EXD3: variants seen among roughly 807,000 people sequenced by gnomAD.
EXD3 encodes exonuclease mut-7 homolog.
A neutral mutation model predicts 98.0 loss-of-function variants in EXD3; 92 were observed. The ratio of observed to expected loss-of-function variants is 0.94; its 90% CI spans 0.79 to 1.12. EXD3 has a LOEUF of 1.12. EXD3 is among the 50% of genes most tolerant of loss of function. The pLI, the probability that EXD3 is intolerant of heterozygous loss-of-function variation, is 0.00. For missense variants in EXD3, 1,222 were observed against 1,191.6 expected, an observed-to-expected ratio of 1.03 and a Z score of -0.38; for synonymous variants, 569 against 526.0, an observed-to-expected ratio of 1.08 and a Z score of -1.12.
At chr9:137,352,822 A>T in intron 10 of EXD3, 36 bp from the exon 11 acceptor site, 1 of 1,562,626 alleles carries the variant, frequency 6.4e-7, no homozygotes, top group African/African-American at 1.4e-5. Context: ...GGAGATGGGG[A>T]CATTGCTGTG....
chr9:137,342,759 G>A (rs1166951317), intron 17 of EXD3, among the ~76,000 whole-genome samples: 1 of 152,292 alleles, frequency 6.6e-6, no homozygotes, highest in African/African-American at 2.4e-5. Flanking sequence ...TGGCAGCCAC[G>A]AGATGTTCCA....
intron 4 of EXD3, among the ~76,000 whole-genome samples, 152 bp downstream of exon 4, chr9:137,373,274 G>C (rs1181011240): frequency 8.1e-6 from 1 of 124,206 alleles, no homozygotes; most frequent in African/African-American, 3.0e-5. Context: ...TGAAGCCACG[G>C]GCTGAGTCTT....
intron 19 of EXD3, among the ~76,000 whole-genome samples, chr9:137,315,773 A>C (rs1831615635): frequency 6.6e-6 from 1 of 151,802 alleles, no homozygotes; most frequent in African/African-American, 2.4e-5. Flanking sequence ...GGCAGGAGGA[A>C]TAAAAACAGG....
rs1284754508 is a variant in EXD3 at position 137,385,660 on chromosome 9, A to G, written c.56-2283T>C. Among the ~76,000 whole-genome samples, 1 of 152,012 alleles carries G rather than the reference A, an allele frequency of 6.6e-6. No homozygotes were observed. Among genetic ancestry groups the G allele is most frequent in the Non-Finnish European group, 1.5e-5 (1 of 68,016 alleles). ...GTGATTCTCGTGCCTCAGCCTCCGGAGTAGCTGGGAGTACAGGCGCTCACC... is the reference window on the plus strand; with the variant it reads ...GTGATTCTCGTGCCTCAGCCTCCGGGGTAGCTGGGAGTACAGGCGCTCACC... On this transcript the variant is annotated intron_variant, in intron 2 of 21. Coordinates refer to ENST00000340951, the MANE Select transcript of EXD3 (RefSeq NM_017820.5). This position sits in a 1 kb window ranked among gnomAD's most constrained non-coding sequence, Gnocchi z 4.4.
In EXD3 at chr9:137,349,187, G is replaced by GCCTCCGGCTCCCAGCCAGGT. The variant is rs776290346; in HGVS notation, c.1733_1752dup (p.Pro585ThrfsTer99). On this transcript the variant is annotated frameshift_variant, in exon 16 of 22. Coordinates refer to ENST00000340951, the MANE Select transcript of EXD3 (RefSeq NM_017820.5). LOFTEE classifies it high-confidence loss of function. This position sits in a 1 kb window ranked among gnomAD's most constrained non-coding sequence, Gnocchi z 7.4. Reference sequence around the variant, plus strand: ...GCCCCTGGTCTCTCTCTGTGCCTGGGCCTCCGGCTCCCAGCCAGGTCCTCC... The same window carrying GCCTCCGGCTCCCAGCCAGGT: ...GCCCCTGGTCTCTCTCTGTGCCTGGGCCTCCGGCTCCCAGCCAGGTCCTCCGGCTCCCAGCCAGGTCCTCC... 3.0e-4 allele frequency: 476 copies of GCCTCCGGCTCCCAGCCAGGT among 1,589,618 alleles called. 1 individual carries two copies. Among genetic ancestry groups the GCCTCCGGCTCCCAGCCAGGT allele is most frequent in the Non-Finnish European group, 3.9e-4 (461 of 1,174,152 alleles).
intron 17 of EXD3, among the ~76,000 whole-genome samples, chr9:137,337,026 A>G (rs1157915646): frequency 6.6e-6 from 1 of 152,202 alleles, no homozygotes; most frequent in East Asian, 1.9e-4. Flanking sequence ...CACCTACTAT[A>G]TAAAAGAAGG....
At position 137,365,693 on chromosome 9, in the gene EXD3, C is replaced by T. The variant is rs986079149; in HGVS notation, c.656+800G>A. 15 of 272,204 alleles carry T rather than the reference C, an allele frequency of 5.5e-5. No individual in the cohort carries two copies. The Admixed American group carries it at 6.8e-4, about 12-fold the overall frequency. The allele number at this position is 272,204 out of a possible 1,614,324, so 16.9% of individuals were successfully genotyped here. A position where few individuals can be genotyped will look rare whatever the true frequency, so the allele number is the denominator to read the frequency against. On this transcript the variant is annotated intron_variant, in intron 7 of 21. Transcript: ENST00000340951. The stretch of plus-strand genomic sequence containing the variant: ...ACACACATGCACAGGCACACATGCA[C>T]ACACGTACACACCCATGCACACACA...
Position 137,349,177 on chromosome 9 carries a change from CTG to C in EXD3, c.1761_1762del (p.His587GlnfsTer32), listed in dbSNP as rs770623125. On this transcript the variant is annotated frameshift_variant, in exon 16 of 22. Coordinates refer to ENST00000340951, the MANE Select transcript of EXD3 (RefSeq NM_017820.5). LOFTEE classifies it high-confidence loss of function. This position sits in a 1 kb window ranked among gnomAD's most constrained non-coding sequence, Gnocchi z 7.4. Reference sequence around the variant, plus strand: ...TGGCTTCCGTGCCCCTGGTCTCTCTCTGTGCCTGGGCCTCCGGCTCCCAGCCA... The same window carrying C: ...TGGCTTCCGTGCCCCTGGTCTCTCTCTGCCTGGGCCTCCGGCTCCCAGCCA... The C allele has an allele frequency of 3.1e-6, 5 of 1,593,466 alleles. No homozygotes were observed. The African/African-American group carries it at 5.4e-5, about 17-fold the overall frequency.
chr9:137,367,299 T>C (rs1835310108), intron 6 of EXD3, among the ~76,000 whole-genome samples: 1 of 152,088 alleles, frequency 6.6e-6, no homozygotes, highest in South Asian at 2.1e-4. Flanking sequence ...ACCTGGAGTC[T>C]GCACCCATCG....
At chr9:137,388,157 G>A (rs1471488312) in intron 2 of EXD3, among the ~76,000 whole-genome samples, 1 of 152,164 alleles carries the variant, frequency 6.6e-6, no homozygotes, top group Non-Finnish European at 1.5e-5. Context: ...CTGGGGGGCT[G>A]AATCATGGTC....
At chr9:137,323,624 C>G in intron 19 of EXD3, 101 bp downstream of exon 19, 1 of 1,495,548 alleles carries the variant, frequency 6.7e-7, no homozygotes, top group Non-Finnish European at 9.0e-7. Context: ...ACACCCCACC[C>G]CAGACCCACC....
At chr9:137,417,376 G>A (rs1273101358) in intron 1 of EXD3, among the ~76,000 whole-genome samples, 2 of 152,334 alleles carry the variant, frequency 1.3e-5, no homozygotes, top group Admixed American at 6.5e-5. Context: ...GGCGCCAGAC[G>A]GGTCCACGGG....
intron 6 of EXD3, among the ~76,000 whole-genome samples, chr9:137,367,330 G>A (rs1835312891): frequency 6.6e-6 from 1 of 152,172 alleles, no homozygotes; most frequent in African/African-American, 2.4e-5. Flanking sequence ...AGCCCTGCAG[G>A]CTGTGTAGAC....
intron 3 of EXD3, among the ~76,000 whole-genome samples, chr9:137,379,622 G>A (rs28541890): frequency 0.015 from 2,253 of 152,024 alleles, 43 homozygotes; most frequent in African/African-American, 0.05. Flanking sequence ...AAAGATTCAC[G>A]AAGCACGACT....
At chr9:137,374,720 G>A in intron 3 of EXD3, 2 of 985,538 alleles carry the variant, frequency 2.0e-6, no homozygotes, top group Non-Finnish European at 2.4e-6. Flanking sequence ...CTCGGGGAAA[G>A]TGGCCAGACA....
intron 1 of EXD3, among the ~76,000 whole-genome samples, chr9:137,401,676 C>T (rs990586182): frequency 6.6e-6 from 1 of 152,234 alleles, no homozygotes; most frequent in African/African-American, 2.4e-5. Flanking sequence ...ACAGCCCGAG[C>T]TCTATGTTGG....
chr9:137,339,168 A>G (rs1833523780), intron 17 of EXD3, among the ~76,000 whole-genome samples: 1 of 152,210 alleles, frequency 6.6e-6, no homozygotes, highest in African/African-American at 2.4e-5. Flanking sequence ...ACTCAGTATC[A>G]GAACATTCTC....
intron 3 of EXD3, among the ~76,000 whole-genome samples, chr9:137,380,395 T>C (rs1008492719): frequency 3.0e-3 from 49 of 16,322 alleles, no homozygotes; most frequent in Admixed American, 5.3e-3. Context: ...GTATCCCCCC[T>C]CCTCCCCAAC....
chr9:137,330,099 C>CCACAGGAGCTA (rs760575220), intron 17 of EXD3, among the ~76,000 whole-genome samples: 4 of 92,070 alleles, frequency 4.3e-5, no homozygotes, highest in African/African-American at 1.5e-4. Flanking sequence ...ACACAGGGCT[C>CCACAGGAGCTA]CACAGGAGCT....
Sources: allele counts gnomAD v4.1 joint callset (sites outside exome capture counted in the v4.1 genomes callset), GRCh38; gene constraint gnomAD v4.1.1; non-coding constraint Gnocchi (gnomAD v3.1); transcripts MANE v1.5; gene names NCBI Gene and HGNC (gene_info 2026-07-23, HGNC 2026-07-21).